Variants in KCNAB1 observed in about 807,000 individuals in gnomAD.
The protein encoded by KCNAB1 is potassium voltage-gated channel subfamily A regulatory beta subunit 1.
KCNAB1 carries 35 observed loss-of-function variants against 64.6 expected under a neutral mutation model. The observed-to-expected ratio is 0.54, with a 90% confidence interval of 0.41 to 0.72. The LOEUF (loss-of-function observed/expected upper bound fraction) is 0.72, where lower values mean the gene tolerates loss of function less well. Among genes scored for constraint, KCNAB1 ranks in the 30% least tolerant of loss-of-function variants. The pLI is 0.00. For synonymous variants in KCNAB1, 177 were observed against 183.8 expected, an observed-to-expected ratio of 0.96 and a Z score of 0.30; for missense variants, 401 against 512.9, an observed-to-expected ratio of 0.78 and a Z score of 2.11.
intron 1 of KCNAB1, among the ~76,000 whole-genome samples, chr3:156,359,682 C>T (rs1725477963): frequency 6.6e-6 from 1 of 152,136 alleles, no homozygotes. Flanking sequence ...TTTATGTCAT[C>T]TGTAAGTGAT....
intron 1 of KCNAB1, among the ~76,000 whole-genome samples, chr3:156,192,958 T>C (rs183423996): frequency 3.9e-5 from 6 of 152,230 alleles, no homozygotes; most frequent in African/African-American, 9.6e-5. Context: ...TACTTTCTAA[T>C]TGGGTTTAAT....
Position 156,344,038 on chromosome 3 carries a change from C to T in KCNAB1, c.276-77578C>T, listed in dbSNP as rs570868127. On this transcript the variant is annotated intron_variant, in intron 1 of 13. Transcript: ENST00000490337. ...TTCTTTTCTGATACCCAGTCAGCCT[C>T]CTATCTGATGAGGCTCTCTTAGCAA... is the stretch of plus-strand genomic sequence containing the variant. 5.3e-5 allele frequency among the ~76,000 whole-genome samples: 8 copies of T among 152,306 alleles called. No homozygotes were observed. The South Asian group carries it at 1.7e-3, about 32-fold the overall frequency.
chr3:156,462,746 G>A (rs757000191), intron 5 of KCNAB1, among the ~76,000 whole-genome samples: 15 of 152,252 alleles, frequency 9.9e-5, no homozygotes, highest in South Asian at 2.1e-4. Context: ...TATTTCAAGC[G>A]CTCCTGAAGA....
rs1576673766 is a variant in KCNAB1, at chr3:156,281,584, C to T, written c.276-140032C>T. On this transcript the variant is annotated intron_variant, in intron 1 of 13. Transcript: ENST00000490337. ...TCTCTGGTAGAATTCGGCTGTGAGT[C>T]CATCTGGTCCTGGACTCTTTTTGAT... is the stretch of plus-strand genomic sequence containing the variant. Among the ~76,000 whole-genome samples, 3 of 152,282 alleles carry T rather than the reference C, an allele frequency of 2.0e-5. No homozygotes were observed. In the South Asian group the frequency reaches 6.2e-4, roughly 32 times the overall value.
chr3:156,486,738 A>G (rs1715246555), intron 8 of KCNAB1, among the ~76,000 whole-genome samples: 1 of 152,128 alleles, frequency 6.6e-6, no homozygotes, highest in South Asian at 2.1e-4. Flanking sequence ...GAGGGAGAAA[A>G]TAGAGAAACA....
chr3:156,146,014 T>C (rs963494324), intron 1 of KCNAB1, among the ~76,000 whole-genome samples: 2 of 152,170 alleles, frequency 1.3e-5, no homozygotes, highest in African/African-American at 4.8e-5. Flanking sequence ...TGTTTTCCAT[T>C]CTGAATTTGG....
chr3:156,284,382 G>A (rs1719953634), intron 1 of KCNAB1, among the ~76,000 whole-genome samples: 1 of 152,234 alleles, frequency 6.6e-6, no homozygotes, highest in African/African-American at 2.4e-5. Context: ...CTGTCAGACA[G>A]GGACATGTAA....
intron 1 of KCNAB1, among the ~76,000 whole-genome samples, chr3:156,209,558 C>T (rs148683237): frequency 2.6e-5 from 4 of 152,224 alleles, no homozygotes; most frequent in East Asian, 3.9e-4. Flanking sequence ...ATAGTTTAGA[C>T]AAAATATAGA....
intron 1 of KCNAB1, among the ~76,000 whole-genome samples, chr3:156,180,857 G>A (rs1712759461): frequency 6.6e-6 from 1 of 152,176 alleles, no homozygotes; most frequent in Non-Finnish European, 1.5e-5. Flanking sequence ...CCTTGAAGAT[G>A]TACATTAGTT....
intron 1 of KCNAB1, among the ~76,000 whole-genome samples, chr3:156,277,922 G>A (rs1391124107): frequency 6.6e-6 from 1 of 152,212 alleles, no homozygotes; most frequent in Non-Finnish European, 1.5e-5. Context: ...TCCTTTTGAT[G>A]GATAGCAACA....
At chr3:156,168,808 A>C (rs1711772277) in intron 1 of KCNAB1, among the ~76,000 whole-genome samples, 1 of 152,216 alleles carries the variant, frequency 6.6e-6, no homozygotes, top group Admixed American at 6.5e-5. Context: ...GCTCCAAAGA[A>C]ATTTGTACTG....
At chr3:156,132,329 T>TATCTAC (rs1714042880) in intron 1 of KCNAB1, among the ~76,000 whole-genome samples, 1 of 152,212 alleles carries the variant, frequency 6.6e-6, no homozygotes, top group Admixed American at 6.5e-5. Context: ...CAGAGACCTG[T>TATCTAC]AGATGGTCAT....
At chr3:156,474,425 T>A (rs1194552658) in intron 7 of KCNAB1, among the ~76,000 whole-genome samples, 1 of 152,184 alleles carries the variant, frequency 6.6e-6, no homozygotes, top group Non-Finnish European at 1.5e-5. Context: ...AAGCTGCTTT[T>A]TATTCTAAAT....
intron 1 of KCNAB1, among the ~76,000 whole-genome samples, chr3:156,325,559 T>A (rs1025499080): frequency 1.3e-5 from 2 of 151,370 alleles, no homozygotes; most frequent in Non-Finnish European, 2.9e-5. Context: ...AAAAAATATT[T>A]TATATATTAA....
At chr3:156,260,751 T>C (rs1718383963) in intron 1 of KCNAB1, among the ~76,000 whole-genome samples, 1 of 152,232 alleles carries the variant, frequency 6.6e-6, no homozygotes, top group Non-Finnish European at 1.5e-5. Context: ...TGGACACACA[T>C]TTTCATATCT....
At chr3:156,259,057 A>AATGAACCT (rs1718275015) in intron 1 of KCNAB1, among the ~76,000 whole-genome samples, 1 of 152,232 alleles carries the variant, frequency 6.6e-6, no homozygotes, top group African/African-American at 2.4e-5. Flanking sequence ...TTGATCTGTA[A>AATGAACCT]ATGAACCTAG....
At chr3:156,412,317 C>T (rs1576832829) in intron 1 of KCNAB1, among the ~76,000 whole-genome samples, 1 of 152,072 alleles carries the variant, frequency 6.6e-6, no homozygotes, top group Admixed American at 6.5e-5. Flanking sequence ...ATCATATCTT[C>T]GATGAGAGAC....
At chr3:156,218,727 C>G (rs1011892350) in intron 1 of KCNAB1, among the ~76,000 whole-genome samples, 3 of 147,234 alleles carry the variant, frequency 2.0e-5, no homozygotes, top group Non-Finnish European at 4.4e-5. Context: ...TCTTTGCAGA[C>G]ACTCCGCAGT....
At chr3:156,426,734 C>A (rs1477981891) in intron 2 of KCNAB1, among the ~76,000 whole-genome samples, 1 of 152,186 alleles carries the variant, frequency 6.6e-6, no homozygotes, top group Non-Finnish European at 1.5e-5. Flanking sequence ...TAGTATGTAG[C>A]CTATTCACAT....
Sources: gnomAD v4.1 joint callset for allele counts (sites outside exome capture counted in the v4.1 genomes callset) on GRCh38, gnomAD v4.1.1 for gene constraint, MANE v1.5 for transcripts, NCBI Gene and HGNC (gene_info 2026-07-23, HGNC 2026-07-21) for gene names.